The following STAM variants were observed in gnomAD, a reference collection of about 807,000 sequenced individuals.
STAM encodes signal transducing adaptor molecule, also known as signal transducing adapter molecule 1.
A neutral mutation model predicts 63.4 loss-of-function variants in STAM; 16 were observed. The ratio of observed to expected loss-of-function variants is 0.25; its 90% confidence interval spans 0.17 to 0.38. The LOEUF is 0.38. STAM is among the 10% of genes least tolerant of loss of function. The probability of loss-of-function intolerance (pLI) is 1.00; values close to 1 mark genes in which losing one functional copy is unlikely to be tolerated. For missense variants in STAM, 636 were observed against 657.1 expected, an observed-to-expected ratio of 0.97 and a Z score of 0.35; for synonymous variants, 238 against 223.9, an observed-to-expected ratio of 1.06 and a Z score of -0.56.
chr10:17,702,029 A>G (rs1836021379), intron 9 of STAM, among the ~76,000 whole-genome samples: 1 of 152,202 alleles, frequency 6.6e-6, no homozygotes, highest in African/African-American at 2.4e-5. Context: ...AAGATACCGA[A>G]AGAACTTAAT....
In STAM at chr10:17,677,718, G is replaced by A. The variant is rs959802638; in HGVS notation, c.126-6957G>A. Among the ~76,000 whole-genome samples the A allele has an allele frequency of 5.3e-5, 8 of 152,276 alleles. No homozygotes were observed. In the South Asian group the frequency reaches 1.7e-3, roughly 32 times the overall value. ...AAAATTGAATGCTTGGCACATAATA[G>A]ACATTCAGTCAATATTAGTTCTTTT... On this transcript the variant is annotated intron_variant, in intron 2 of 13. Transcript: ENST00000377524.
intron 2 of STAM, among the ~76,000 whole-genome samples, chr10:17,665,467 T>C (rs1474624976): frequency 1.3e-5 from 2 of 152,112 alleles, no homozygotes; most frequent in Non-Finnish European, 2.9e-5. Flanking sequence ...GAATACATTT[T>C]CCCCCCATTT....
At chr10:17,696,645 A>G in intron 7 of STAM, 130 bp from the exon 8 acceptor site, 1 of 598,062 alleles carries the variant, frequency 1.7e-6, no homozygotes, top group Non-Finnish European at 2.9e-6. Flanking sequence ...AGGAAGATTC[A>G]TTGGCTTTTT....
intron 13 of STAM, among the ~76,000 whole-genome samples, chr10:17,713,683 C>G (rs1401973312): frequency 1.3e-5 from 2 of 152,072 alleles, no homozygotes; most frequent in African/African-American, 2.4e-5. Flanking sequence ...GACTCTGACC[C>G]TTTCTCCCAT....
At chr10:17,659,202 T>C (rs1054587288) in intron 1 of STAM, among the ~76,000 whole-genome samples, 4 of 152,074 alleles carry the variant, frequency 2.6e-5, no homozygotes, top group African/African-American at 9.7e-5. Flanking sequence ...TACCACTTCA[T>C]GTGTAATGCA....
chr10:17,712,372 T>C (rs1046774891), intron 13 of STAM, among the ~76,000 whole-genome samples: 7 of 152,198 alleles, frequency 4.6e-5, no homozygotes, highest in East Asian at 1.9e-4. Context: ...TTGTCAATAA[T>C]AGTATGAAAT....
At chr10:17,650,793 C>T (rs1351964895) in intron 1 of STAM, among the ~76,000 whole-genome samples, 2 of 152,214 alleles carry the variant, frequency 1.3e-5, no homozygotes, top group East Asian at 1.9e-4. Flanking sequence ...GGGCTGGGCG[C>T]GGTGGCTCAC....
chr10:17,665,248 T>C (rs1395251414), intron 2 of STAM, among the ~76,000 whole-genome samples: 1 of 152,170 alleles, frequency 6.6e-6, no homozygotes, highest in African/African-American at 2.4e-5. Flanking sequence ...CATATACATA[T>C]GCATATGCAT....
At chr10:17,713,701 A>G (rs1396803725) in intron 13 of STAM, among the ~76,000 whole-genome samples, 1 of 151,712 alleles carries the variant, frequency 6.6e-6, no homozygotes, top group African/African-American at 2.4e-5. Context: ...CATCTCCACC[A>G]TTACTGCCGT....
intron 2 of STAM, among the ~76,000 whole-genome samples, chr10:17,665,449 A>G (rs1834337709): frequency 6.6e-6 from 1 of 152,154 alleles, no homozygotes; most frequent in Non-Finnish European, 1.5e-5. Flanking sequence ...ATTCTTTTAC[A>G]CAAATGTGAA....
intron 13 of STAM, 126 bp downstream of exon 13, chr10:17,709,077 T>C: frequency 8.8e-7 from 1 of 1,136,994 alleles, no homozygotes; most frequent in South Asian, 1.7e-5. Flanking sequence ...GCCGCCCCAT[T>C]TGTGCTAATG....
chr10:17,699,919 C>A (rs1194199435), intron 8 of STAM, among the ~76,000 whole-genome samples: 3 of 152,134 alleles, frequency 2.0e-5, no homozygotes, highest in Non-Finnish European at 4.4e-5. Context: ...AGGTGATTAA[C>A]CTTTTTTCAG....
At chr10:17,653,119 G>A (rs1833801752) in intron 1 of STAM, among the ~76,000 whole-genome samples, 1 of 152,114 alleles carries the variant, frequency 6.6e-6, no homozygotes. Flanking sequence ...AAGGATTTGG[G>A]CTTTGAGTCA....
intron 2 of STAM, among the ~76,000 whole-genome samples, chr10:17,675,269 C>T (rs1037049402): frequency 6.6e-6 from 1 of 152,076 alleles, no homozygotes; most frequent in African/African-American, 2.4e-5. Flanking sequence ...TTTGGGAGGC[C>T]AAGGTGGGTG....
At chr10:17,685,711 A>G (rs1169239205) in intron 4 of STAM, among the ~76,000 whole-genome samples, 1 of 152,172 alleles carries the variant, frequency 6.6e-6, no homozygotes, top group Non-Finnish European at 1.5e-5. Flanking sequence ...ATGGTGGAAA[A>G]CATGCAGCTG....
chr10:17,704,393 G>A (rs782420004), intron 9 of STAM, 38 bp from the exon 10 acceptor site: 1 of 1,558,238 alleles, frequency 6.4e-7, no homozygotes. Flanking sequence ...TTGCCTAAAG[G>A]TTGGTAGCTT....
chr10:17,650,787 T>C (rs1374224329), intron 1 of STAM, among the ~76,000 whole-genome samples: 2 of 152,198 alleles, frequency 1.3e-5, no homozygotes, highest in East Asian at 1.9e-4. Flanking sequence ...TAGAGAGGGC[T>C]GGGCGCGGTG....
chr10:17,656,451 A>T (rs1249617560), intron 1 of STAM, among the ~76,000 whole-genome samples: 3 of 152,012 alleles, frequency 2.0e-5, no homozygotes, highest in African/African-American at 7.3e-5. Context: ...GCCATTGACT[A>T]TGGAATTCTG....
intron 12 of STAM, among the ~76,000 whole-genome samples, chr10:17,708,510 G>C (rs1554829623): frequency 6.6e-6 from 1 of 152,200 alleles, no homozygotes; most frequent in African/African-American, 2.4e-5. Flanking sequence ...AGGGAGATTA[G>C]TATAAAGTTT....
Sources: allele counts gnomAD v4.1 joint callset (sites outside exome capture counted in the v4.1 genomes callset), GRCh38; gene constraint gnomAD v4.1.1; transcripts MANE v1.5; gene names NCBI Gene and HGNC (gene_info 2026-07-23, HGNC 2026-07-21).